Variants in LRRC9 observed in about 807,000 individuals in gnomAD.
LRRC9 encodes leucine-rich repeat-containing protein 9.
In LRRC9, 122 loss-of-function variants were observed where a neutral mutation model predicts 63.2. The observed-to-expected ratio is 1.93, with a 90% confidence interval of 1.67 to 2.24. The LOEUF (loss-of-function observed/expected upper bound fraction) is 2.24. LRRC9 is among the 30% of genes most tolerant of loss of function. The pLI, the probability that LRRC9 is intolerant of heterozygous loss-of-function variation, is 0.00. For synonymous variants in LRRC9, 366 were observed against 213.1 expected, an observed-to-expected ratio of 1.72 and a Z score of -6.25; for missense variants, 1,071 against 627.7, an observed-to-expected ratio of 1.71 and a Z score of -7.55.
chr14:60,017,761 A>T lies in LRRC9; in HGVS notation c.3318-610A>T, dbSNP rs1266884238. Reference sequence around the variant, plus strand: ...GAGAACTGGTTAGGGAAAGGGATGTAGTTTTATGCTCTTCTCTGTCATGGC... The same window carrying T: ...GAGAACTGGTTAGGGAAAGGGATGTTGTTTTATGCTCTTCTCTGTCATGGC... On this transcript the variant is annotated intron_variant, in intron 24 of 31. Transcript: ENST00000445360. This position sits in a 1 kb window ranked among gnomAD's most constrained non-coding sequence, Gnocchi z 4.0. Among the ~76,000 whole-genome samples the T allele has an allele frequency of 6.6e-6, 1 of 152,144 alleles. No individual in the cohort carries two copies. The highest frequency in any genetic ancestry group is 1.5e-5 in the Non-Finnish European group (1 of 67,990).
At chr14:59,989,392 G>T (rs1297850867) in intron 17 of LRRC9, among the ~76,000 whole-genome samples, 3 of 150,876 alleles carry the variant, frequency 2.0e-5, no homozygotes, top group Non-Finnish European at 4.4e-5. Flanking sequence ...TTTTCATCTT[G>T]TATTTCTCTT....
At chr14:60,026,109 AC>A (rs1319548920) in intron 27 of LRRC9, among the ~76,000 whole-genome samples, 1 of 152,080 alleles carries the variant, frequency 6.6e-6, no homozygotes, top group African/African-American at 2.4e-5. Flanking sequence ...GTACTGGACC[AC>A]AAGTCAGGAC....
chr14:59,957,146 G>A (rs893043795), intron 8 of LRRC9, among the ~76,000 whole-genome samples: 3 of 152,142 alleles, frequency 2.0e-5, no homozygotes, highest in East Asian at 1.9e-4. Context: ...GGTGTTCTCT[G>A]TATTTCCTGA....
chr14:59,990,126 C>T lies in LRRC9; in HGVS notation c.2211+4902C>T, dbSNP rs1887918086. 6.6e-6 allele frequency among the ~76,000 whole-genome samples: 1 copy of T among 151,994 alleles called. No homozygotes were observed. The highest frequency in any genetic ancestry group is 1.5e-5 in the Non-Finnish European group (1 of 68,000). On this transcript the variant is annotated intron_variant, in intron 17 of 31. Coordinates refer to ENST00000445360, the Ensembl canonical transcript of LRRC9. The surrounding 1 kb of genome is among the most constrained non-coding windows in gnomAD (Gnocchi z 4.2). ...ATTTTTAGCAGAGATGAGGTTTCTC[C>T]GTGTTGGTCAGGCTGGTCTTGAACT... is the stretch of plus-strand genomic sequence containing the variant.
At chr14:59,995,751 AT>A (rs754419255) in intron 17 of LRRC9, among the ~76,000 whole-genome samples, 27 of 148,738 alleles carry the variant, frequency 1.8e-4, no homozygotes, top group Non-Finnish European at 2.7e-4. Context: ...ATTTTATTTT[AT>A]TTTGTTTTTG....
At chr14:59,994,924 G>C (rs1888585653) in intron 17 of LRRC9, among the ~76,000 whole-genome samples, 1 of 151,838 alleles carries the variant, frequency 6.6e-6, no homozygotes, top group South Asian at 2.1e-4. Flanking sequence ...TGAGTTACTG[G>C]GTGCAGCACA....
At chr14:60,010,725 A>G (rs888008016) in intron 23 of LRRC9, among the ~76,000 whole-genome samples, 5 of 152,146 alleles carry the variant, frequency 3.3e-5, no homozygotes, top group African/African-American at 9.7e-5. Context: ...TTTTCACCAG[A>G]TACCCTAAAT....
At chr14:60,019,762 A>G (rs777427232) in intron 26 of LRRC9, among the ~76,000 whole-genome samples, 13 of 151,670 alleles carry the variant, frequency 8.6e-5, no homozygotes, top group Non-Finnish European at 1.6e-4. Flanking sequence ...TTAATGACTC[A>G]GCACCAATGG....
rs774829754 is a variant in LRRC9, at chr14:59,978,150, T to C, written c.1878+18T>C. ...TTACAATGGTATGAATTGTTACATA[T>C]TCTTAAAGACTAATTCTAATTCCTT... On this transcript the variant is annotated intron_variant, in intron 15 of 31. Transcript: ENST00000445360. 5.7e-6 allele frequency: 4 copies of C among 700,194 alleles called. No individual in the cohort carries two copies. The highest frequency in any genetic ancestry group is 4.5e-5 in the South Asian group (3 of 67,216). 43.4% of individuals were successfully genotyped at this position (700,194 alleles called of 1,614,324 possible). A position where few individuals can be genotyped will look rare whatever the true frequency, so the allele number is the denominator to read the frequency against.
rs59313505 is a variant in LRRC9 at position 59,938,942 on chromosome 14, T to TATAC, written c.726+378_726+381dup. On this transcript the variant is annotated intron_variant, in intron 7 of 31. Coordinates refer to ENST00000445360, the Ensembl canonical transcript of LRRC9. The surrounding 1 kb of genome is among the most constrained non-coding windows in gnomAD (Gnocchi z 4.2). ...ATGCATATATATACACATATATACA[T>TATAC]ATACATACATATATACACACATATA... 7.8e-6 allele frequency among the ~76,000 whole-genome samples: 1 copy of TATAC among 128,280 alleles called. No individual in the cohort carries two copies. The highest frequency in any genetic ancestry group is 1.7e-5 in the Non-Finnish European group (1 of 59,980). 84.2% of individuals were successfully genotyped at this position (128,280 alleles called of 152,430 possible).
At chr14:59,947,130 A>C (rs956972203) in intron 8 of LRRC9, among the ~76,000 whole-genome samples, 10 of 151,080 alleles carry the variant, frequency 6.6e-5, no homozygotes, top group Admixed American at 5.3e-4. Flanking sequence ...CCAACAGTGT[A>C]AAAGTGTTCT....
chr14:60,038,394 A>G (rs1341717233), intron 29 of LRRC9, among the ~76,000 whole-genome samples: 1 of 152,192 alleles, frequency 6.6e-6, no homozygotes, highest in African/African-American at 2.4e-5. Context: ...CTTCCTATCC[A>G]TGAGCATGGA....
chr14:59,974,616 T>A, exon 13 of LRRC9: 1 of 681,412 alleles, frequency 1.5e-6, no homozygotes, highest in Non-Finnish European at 2.7e-6. Flanking sequence ...TCTAACAGTC[T>A]AAGTATAAGT....
intron 12 of LRRC9, among the ~76,000 whole-genome samples, chr14:59,968,109 C>T (rs933961463): frequency 2.6e-5 from 4 of 152,164 alleles, no homozygotes; most frequent in African/African-American, 9.7e-5. Context: ...AAATGAAATT[C>T]CGAAACTTCC....
intron 8 of LRRC9, among the ~76,000 whole-genome samples, chr14:59,959,594 A>G (rs1884143546): frequency 6.6e-6 from 1 of 152,220 alleles, no homozygotes; most frequent in African/African-American, 2.4e-5. Context: ...TAAGGTCGGC[A>G]CTTGGTCAAG....
intron 29 of LRRC9, among the ~76,000 whole-genome samples, chr14:60,048,944 T>C (rs937011840): frequency 6.6e-6 from 1 of 152,170 alleles, no homozygotes; most frequent in Non-Finnish European, 1.5e-5. Context: ...CATGATCAAG[T>C]TGGCTTCATC....
chr14:59,987,710 T>C (rs904095424), intron 17 of LRRC9, among the ~76,000 whole-genome samples: 2 of 152,172 alleles, frequency 1.3e-5, no homozygotes, highest in Non-Finnish European at 2.9e-5. Context: ...AGACACGTGA[T>C]ATCTTATTGT....
At position 59,997,842 on chromosome 14, in the gene LRRC9, C is replaced by T. The variant is rs536036183; in HGVS notation, c.2398C>T (p.Gln800Ter). Residue 800 changes from glutamine (Q) to a stop codon, truncating the protein, a stop_gained, in exon 18 of 32, where the codon CAA (glutamine) becomes TAA (stop). Coordinates refer to ENST00000445360, the Ensembl canonical transcript of LRRC9. LOFTEE classifies it high-confidence loss of function. ...TCTTGATATTCAACATAATCCATGG[C>T]AAAAGGTATGCCACAGACATGTTAC... 3 of 689,806 alleles carry T rather than the reference C, an allele frequency of 4.3e-6. No individual in the cohort carries two copies. The highest frequency in any genetic ancestry group is 4.1e-5 in the Admixed American group (2 of 48,662). The allele number at this position is 689,806 out of a possible 1,614,324, so 42.7% of individuals were successfully genotyped here. A position where few individuals can be genotyped will look rare whatever the true frequency, so the allele number is the denominator to read the frequency against.
chr14:60,034,479 C>A (rs1168468646), intron 29 of LRRC9, among the ~76,000 whole-genome samples: 2 of 151,846 alleles, frequency 1.3e-5, no homozygotes, highest in East Asian at 3.9e-4. Context: ...CTTTATTATT[C>A]CTTTCATTCC....
Sources: gnomAD v4.1 joint callset for allele counts (sites outside exome capture counted in the v4.1 genomes callset) on GRCh38, gnomAD v4.1.1 for gene constraint, Gnocchi (gnomAD v3.1) non-coding constraint, MANE v1.5 for transcripts, NCBI Gene and HGNC (gene_info 2026-07-23, HGNC 2026-07-21) for gene names.